Variants in VPS37A observed in about 807,000 individuals in gnomAD.
VPS37A encodes vacuolar protein sorting-associated protein 37A.
In VPS37A, 30 loss-of-function variants were observed where a neutral mutation model predicts 49.8. The observed-to-expected ratio is 0.60, with a 90% CI of 0.45 to 0.82. The LOEUF (loss-of-function observed/expected upper bound fraction) is 0.82, where lower values mean the gene tolerates loss of function less well. VPS37A is among the 40% of genes least tolerant of loss of function. VPS37A has a pLI of 0.00. For missense variants in VPS37A, 593 were observed against 464.4 expected (o/e 1.28, Z -2.55); for synonymous variants, 195 against 160.6 (o/e 1.21, Z -1.62).
rs992315966 is a variant in VPS37A at position 17,295,487 on chromosome 8, A to G, written c.*501A>G. 1.3e-5 allele frequency: 2 copies of G among 152,636 alleles called. No homozygotes were observed. Among genetic ancestry groups the G allele is most frequent in the African/African-American group, 4.8e-5 (2 of 41,468 alleles). The allele number at this position is 152,636 out of a possible 1,614,324, so 9.5% of individuals were successfully genotyped here. ...TTTAAGATATTCATAGTGTTAGGAA[A>G]CACCAAACCTGCCTATGTGCCATCT... On this transcript the variant is annotated 3_prime_UTR_variant, in exon 12 of 12. Coordinates refer to ENST00000324849, the MANE Select transcript of VPS37A (RefSeq NM_152415.3).
intron 1 of VPS37A, among the ~76,000 whole-genome samples, chr8:17,257,588 A>C (rs1389223979): frequency 6.6e-6 from 1 of 152,196 alleles, no homozygotes; most frequent in Non-Finnish European, 1.5e-5. Context: ...ATACCTATGT[A>C]ACAAAACTGC....
chr8:17,248,681 CTAGTT>C (rs1378830196), intron 1 of VPS37A, among the ~76,000 whole-genome samples: 4 of 152,124 alleles, frequency 2.6e-5, no homozygotes, highest in African/African-American at 9.7e-5. Flanking sequence ...ATTAAATAGT[CTAGTT>C]AATAGAAAAA....
intron 11 of VPS37A, among the ~76,000 whole-genome samples, chr8:17,291,489 A>C (rs1393530201): frequency 8.4e-6 from 1 of 118,712 alleles, no homozygotes; most frequent in Non-Finnish European, 1.7e-5. Flanking sequence ...TTCTGCTCTG[A>C]TCTTGGTTAT....
At chr8:17,320,309 C>T in the VPS37A span, among the ~76,000 whole-genome samples, 1 of 152,100 alleles carries the variant, frequency 6.6e-6, no homozygotes, top group South Asian at 2.1e-4. Context: ...AACATTTTTG[C>T]ACATGTACCT....
At chr8:17,273,556 C>T (rs561901118) in intron 4 of VPS37A, among the ~76,000 whole-genome samples, 4 of 152,090 alleles carry the variant, frequency 2.6e-5, no homozygotes, top group South Asian at 2.1e-4. Flanking sequence ...TTAGTAGAGA[C>T]GGGGTTTCAC....
intron 4 of VPS37A, among the ~76,000 whole-genome samples, chr8:17,270,883 A>G (rs189193861): frequency 6.6e-6 from 1 of 152,240 alleles, no homozygotes; most frequent in East Asian, 1.9e-4. Context: ...GAGGTTTCTC[A>G]CTTGTGTTCC....
At chr8:17,281,326 A>G (rs1406065995) in intron 9 of VPS37A, among the ~76,000 whole-genome samples, 1 of 152,012 alleles carries the variant, frequency 6.6e-6, no homozygotes, top group Non-Finnish European at 1.5e-5. Flanking sequence ...AGGTCATACA[A>G]GTAGAAACAT....
downstream of VPS37A, chr8:17,302,115 A>G: frequency 1.2e-6 from 2 of 1,613,164 alleles, no homozygotes; most frequent in Non-Finnish European, 1.7e-6. Flanking sequence ...TTCAAGAAAT[A>G]AGCACAGAAA....
In VPS37A at chr8:17,295,182, T is replaced by G. The variant is rs548136300; in HGVS notation, c.*196T>G. The stretch of plus-strand genomic sequence containing the variant: ...TGATCTTTGAGAAATTTTTCTGCAC[T>G]ATTTGCACTGAAATGTTTATTTATT... On this transcript the variant is annotated 3_prime_UTR_variant, in exon 12 of 12. Coordinates refer to ENST00000324849, the MANE Select transcript of VPS37A (RefSeq NM_152415.3). 6.0e-4 allele frequency: 91 copies of G among 152,822 alleles called. No homozygotes were observed. The highest frequency in any genetic ancestry group is 1.1e-3 in the Non-Finnish European group (75 of 68,042). 9.5% of individuals were successfully genotyped at this position (152,822 alleles called of 1,614,324 possible). A position where few individuals can be genotyped will look rare whatever the true frequency, so the allele number is the denominator to read the frequency against.
chr8:17,265,475 C>G (rs11782959), intron 1 of VPS37A, among the ~76,000 whole-genome samples: 2 of 151,914 alleles, frequency 1.3e-5, no homozygotes, highest in African/African-American at 4.8e-5. Flanking sequence ...TAGGATGCGT[C>G]TCATCTAGAC....
the VPS37A span, chr8:17,331,418 C>A: frequency 2.2e-6 from 2 of 892,472 alleles, no homozygotes; most frequent in Non-Finnish European, 3.3e-6. Context: ...ATTTGAATCA[C>A]TGCAACCTTG....
At chr8:17,252,674 C>T (rs1432059285) in intron 1 of VPS37A, among the ~76,000 whole-genome samples, 1 of 152,152 alleles carries the variant, frequency 6.6e-6, no homozygotes, top group Non-Finnish European at 1.5e-5. Context: ...CTGGGCTACC[C>T]ACTACCCATT....
chr8:17,325,268 G>A, the VPS37A span, among the ~76,000 whole-genome samples: 45 of 152,216 alleles, frequency 3.0e-4, no homozygotes, highest in African/African-American at 8.9e-4. Flanking sequence ...ACATGTGACC[G>A]TCATACCCAC....
chr8:17,262,991 G>A (rs1813099217), intron 1 of VPS37A, among the ~76,000 whole-genome samples: 1 of 150,946 alleles, frequency 6.6e-6, no homozygotes. Context: ...AACCCGGGAG[G>A]CAGAGGTTGC....
downstream of VPS37A, chr8:17,298,232 C>G (rs1210924641): frequency 1.3e-5 from 2 of 151,948 alleles, no homozygotes; most frequent in African/African-American, 2.4e-5. Context: ...GCAAGGTATT[C>G]CCTATTACAT....
the VPS37A span, among the ~76,000 whole-genome samples, chr8:17,312,871 G>A: frequency 6.6e-6 from 1 of 152,102 alleles, no homozygotes; most frequent in Non-Finnish European, 1.5e-5. Flanking sequence ...AAGCTGCAGC[G>A]ACATTTTCCT....
At position 17,274,759 on chromosome 8, in the gene VPS37A, C is replaced by A. The variant is rs201314626; in HGVS notation, c.443C>A (p.Ser148Tyr). The change falls in exon 5 of 12, where the codon TCT becomes TAT. Residue 148 changes from serine to tyrosine, a missense_variant. Coordinates refer to ENST00000324849, the MANE Select transcript of VPS37A (RefSeq NM_152415.3). Reference sequence around the variant, plus strand: ...CTATACAGTAACCCAAGTGGGATGTCTCCTTATGCTTCTCAGGGTTTTCCA... The same window carrying A: ...CTATACAGTAACCCAAGTGGGATGTATCCTTATGCTTCTCAGGGTTTTCCA... ...PYLYSNPSGM[S>Y]PYASQGFPFL... 1.2e-6 allele frequency: 2 copies of A among 1,614,144 alleles called. No homozygotes were observed. Among genetic ancestry groups the A allele is most frequent in the South Asian group, 2.2e-5 (2 of 91,084 alleles).
chr8:17,257,601 A>T (rs1405767648), intron 1 of VPS37A, among the ~76,000 whole-genome samples: 2 of 152,224 alleles, frequency 1.3e-5, no homozygotes, highest in African/African-American at 4.8e-5. Context: ...AAAACTGCAC[A>T]TTCTGCACAT....
the VPS37A span, among the ~76,000 whole-genome samples, chr8:17,308,003 G>C: frequency 6.6e-6 from 1 of 151,864 alleles, no homozygotes; most frequent in Non-Finnish European, 1.5e-5. Flanking sequence ...AAACCTGCAC[G>C]TTGTGCACAT....
Sources: allele counts gnomAD v4.1 joint callset (sites outside exome capture counted in the v4.1 genomes callset), GRCh38; gene constraint gnomAD v4.1.1; transcripts MANE v1.5; gene names NCBI Gene and HGNC (gene_info 2026-07-23, HGNC 2026-07-21).